Variants in KCNJ3 observed in about 807,000 individuals in gnomAD.
KCNJ3 encodes potassium inwardly rectifying channel subfamily J member 3.
KCNJ3 carries 4 observed loss-of-function variants against 39.2 expected under a neutral mutation model. That is an observed-to-expected ratio of 0.10 (90% CI 0.05 to 0.23). The LOEUF (loss-of-function observed/expected upper bound fraction) is 0.23, where lower values mean the gene tolerates loss of function less well. KCNJ3 is among the 10% of genes least tolerant of loss of function. KCNJ3 has a pLI of 1.00. For synonymous variants in KCNJ3, 230 were observed against 237.4 expected, an observed-to-expected ratio of 0.97 and a Z score of 0.29; for missense variants, 276 against 634.9, an observed-to-expected ratio of 0.43 and a Z score of 6.08.
intron 2 of KCNJ3, among the ~76,000 whole-genome samples, chr2:154,835,541 A>C (rs1389605013): frequency 6.7e-6 from 1 of 149,364 alleles, no homozygotes; most frequent in African/African-American, 2.5e-5. Context: ...TTTCTGGATG[A>C]CATAATAATT....
intron 2 of KCNJ3, among the ~76,000 whole-genome samples, chr2:154,710,411 A>C (rs924701306): frequency 4.6e-5 from 7 of 152,170 alleles, no homozygotes; most frequent in African/African-American, 1.4e-4. Flanking sequence ...GCTCCTGTAT[A>C]GCTATGTGCT....
At chr2:154,832,640 A>G (rs1687382926) in intron 2 of KCNJ3, among the ~76,000 whole-genome samples, 1 of 152,172 alleles carries the variant, frequency 6.6e-6, no homozygotes, top group Non-Finnish European at 1.5e-5. Context: ...AGAGTATGAT[A>G]GCCAATAAAT....
chr2:154,727,591 C>CAA (rs546038652), intron 2 of KCNJ3, among the ~76,000 whole-genome samples: 15,909 of 91,122 alleles, frequency 0.17, 1,778 homozygotes, highest in African/African-American at 0.32. Flanking sequence ...GAAACTCCGT[C>CAA]AAAAAAAAAA....
chr2:154,791,933 A>G (rs1345426916), intron 2 of KCNJ3, among the ~76,000 whole-genome samples: 1 of 152,104 alleles, frequency 6.6e-6, no homozygotes, highest in Non-Finnish European at 1.5e-5. Context: ...CAGCAAAGCA[A>G]ATGAGGGCTT....
intron 2 of KCNJ3, among the ~76,000 whole-genome samples, chr2:154,757,768 C>T (rs1823001): frequency 0.37 from 56,779 of 151,970 alleles, 11,557 homozygotes; most frequent in East Asian, 0.63. Context: ...TGAGGACTCC[C>T]TCTCCACTTC....
intron 2 of KCNJ3, among the ~76,000 whole-genome samples, chr2:154,795,938 A>C (rs537082435): frequency 6.6e-6 from 1 of 152,248 alleles, no homozygotes; most frequent in African/African-American, 2.4e-5. Flanking sequence ...TCAAACTCTA[A>C]GAAAAGGGCA....
intron 2 of KCNJ3, among the ~76,000 whole-genome samples, chr2:154,748,623 A>G (rs2105179922): frequency 6.6e-6 from 1 of 152,102 alleles, no homozygotes; most frequent in African/African-American, 2.4e-5. Flanking sequence ...GAGTGAACTG[A>G]ACACTATCAG....
intron 2 of KCNJ3, among the ~76,000 whole-genome samples, chr2:154,738,358 A>C (rs1358920128): frequency 6.6e-6 from 1 of 152,150 alleles, no homozygotes. Context: ...TTGGTAGCAC[A>C]ATAGGATGAC....
intron 2 of KCNJ3, among the ~76,000 whole-genome samples, chr2:154,750,592 T>C (rs1276594438): frequency 6.6e-6 from 1 of 151,914 alleles, no homozygotes; most frequent in Non-Finnish European, 1.5e-5. Context: ...AATAGAAAAA[T>C]ACATAAGCAA....
chr2:154,834,959 A>G (rs944489776), intron 2 of KCNJ3, among the ~76,000 whole-genome samples: 1 of 151,846 alleles, frequency 6.6e-6, no homozygotes. Flanking sequence ...CAATTATAAT[A>G]ATTAGAACCA....
At chr2:154,792,559 A>G (rs930266851) in intron 2 of KCNJ3, among the ~76,000 whole-genome samples, 2 of 152,044 alleles carry the variant, frequency 1.3e-5, no homozygotes, top group African/African-American at 2.4e-5. Context: ...TCCCCTCCCC[A>G]TATCACACGT....
At chr2:154,833,001 G>C (rs765327813) in intron 2 of KCNJ3, among the ~76,000 whole-genome samples, 5 of 152,150 alleles carry the variant, frequency 3.3e-5, no homozygotes, top group Non-Finnish European at 7.4e-5. Flanking sequence ...GTTTGACTAT[G>C]TGACTTCTCA....
chr2:154,790,453 A>G (rs1686609950), intron 2 of KCNJ3, among the ~76,000 whole-genome samples: 1 of 151,994 alleles, frequency 6.6e-6, no homozygotes, highest in South Asian at 2.1e-4. Flanking sequence ...CTTATTCTGA[A>G]TCTGATGCCC....
Position 154,856,549 on chromosome 2 carries a change from C to T in KCNJ3, c.*1236C>T, listed in dbSNP as rs1253557247. On this transcript the variant is annotated 3_prime_UTR_variant, in exon 3 of 3. Coordinates refer to ENST00000295101, the MANE Select transcript of KCNJ3 (RefSeq NM_002239.4). Reference sequence around the variant, plus strand: ...TAGACTTTTTCCTCACCTAGGAAACCTATCCCATGCCTGTCACTTATAGTT... The same window carrying T: ...TAGACTTTTTCCTCACCTAGGAAACTTATCCCATGCCTGTCACTTATAGTT... 2 of 152,106 alleles carry T rather than the reference C, an allele frequency of 1.3e-5. No individual in the cohort carries two copies. Among genetic ancestry groups the T allele is most frequent in the African/African-American group, 4.8e-5 (2 of 41,434 alleles). The allele number at this position is 152,106 out of a possible 1,614,324, so 9.4% of individuals were successfully genotyped here. A position where few individuals can be genotyped will look rare whatever the true frequency, so the allele number is the denominator to read the frequency against.
chr2:154,731,090 C>G (rs919033004), intron 2 of KCNJ3, among the ~76,000 whole-genome samples: 3 of 151,954 alleles, frequency 2.0e-5, no homozygotes, highest in African/African-American at 7.3e-5. Flanking sequence ...GTTAAGGTAG[C>G]CTATTCAGAT....
chr2:154,827,037 C>T (rs372485403), intron 2 of KCNJ3, among the ~76,000 whole-genome samples: 107 of 152,216 alleles, frequency 7.0e-4, no homozygotes, highest in African/African-American at 2.2e-3. Flanking sequence ...TTTAGCTGAG[C>T]GTCCAAGATC....
chr2:154,719,915 T>C (rs552679131), intron 2 of KCNJ3, among the ~76,000 whole-genome samples: 4 of 152,206 alleles, frequency 2.6e-5, no homozygotes, highest in African/African-American at 9.6e-5. Context: ...ATTGCCTCAA[T>C]TTGATTAGTT....
At chr2:154,778,221 G>A (rs1380227529) in intron 2 of KCNJ3, among the ~76,000 whole-genome samples, 1 of 151,942 alleles carries the variant, frequency 6.6e-6, no homozygotes, top group Non-Finnish European at 1.5e-5. Flanking sequence ...TTTCACTACT[G>A]AAACTCATAT....
At chr2:154,836,505 G>T (rs1442228558) in intron 2 of KCNJ3, among the ~76,000 whole-genome samples, 1 of 151,788 alleles carries the variant, frequency 6.6e-6, no homozygotes, top group Non-Finnish European at 1.5e-5. Context: ...TTAATAATGT[G>T]ACTTTAAATG....
Sources: gnomAD v4.1 joint callset for allele counts (sites outside exome capture counted in the v4.1 genomes callset) on GRCh38, gnomAD v4.1.1 for gene constraint, MANE v1.5 for transcripts, NCBI Gene and HGNC (gene_info 2026-07-23, HGNC 2026-07-21) for gene names.